Variants in CARF observed in about 807,000 individuals in gnomAD.
CARF encodes the protein calcium responsive transcription factor.
Under a neutral mutation model 82.0 loss-of-function variants are expected in CARF, and 57 were observed. The ratio of observed to expected loss-of-function variants is 0.70; its 90% confidence interval spans 0.56 to 0.87. The LOEUF (loss-of-function observed/expected upper bound fraction) is 0.87, where lower values mean the gene tolerates loss of function less well. CARF is among the 40% of genes least tolerant of loss of function. The pLI is 0.00. For missense variants in CARF, 771 were observed against 855.8 expected, an observed-to-expected ratio of 0.90 and a Z score of 1.24; for synonymous variants, 268 against 290.1, an observed-to-expected ratio of 0.92 and a Z score of 0.77.
At position 202,974,510 on chromosome 2, in the gene CARF, C is replaced by A; in HGVS notation, c.1494+14C>A. The A allele has an allele frequency of 6.3e-7, 1 of 1,579,340 alleles. No individual in the cohort carries two copies. Among genetic ancestry groups the A allele is most frequent in the Non-Finnish European group, 8.6e-7 (1 of 1,167,050 alleles). Reference sequence around the variant, plus strand: ...ATTCCAGCAACGGTATGATTACAACCATAATTCCTTATTACAGAGTCTTTC... The same window carrying A: ...ATTCCAGCAACGGTATGATTACAACAATAATTCCTTATTACAGAGTCTTTC... On this transcript the variant is annotated intron_variant, in intron 13 of 16. Coordinates refer to ENST00000438828, the MANE Select transcript of CARF (RefSeq NM_024744.17).
intron 14 of CARF, 108 bp from the exon 15 acceptor site, chr2:202,981,447 G>C: frequency 1.2e-6 from 1 of 844,434 alleles, no homozygotes; most frequent in Non-Finnish European, 1.8e-6. Context: ...GCAAAACTTT[G>C]AAAGTATTTC....
In CARF at chr2:202,967,071, A is replaced by T. The variant is rs1213264043; in HGVS notation, c.926A>T (p.Gln309Leu). Residue 309 changes from glutamine (Q) to leucine (L), a missense_variant, in exon 10 of 17, where the codon CAG (glutamine) becomes CTG (leucine). Transcript: ENST00000438828. ...AGTGAGCAGGAAAGCAGGTCTTGTC[A>T]GCTCTACAAAGCCACTTGTCCAGCT... ...KVSEQESRSC[Q>L]LYKATCPARI... 6.2e-7 allele frequency: 1 copy of T among 1,614,122 alleles called. No homozygotes were observed. The highest frequency in any genetic ancestry group is 2.2e-5 in the East Asian group (1 of 44,854).
At chr2:202,924,067 C>A (rs1331936412) in intron 2 of CARF, among the ~76,000 whole-genome samples, 2 of 152,194 alleles carry the variant, frequency 1.3e-5, no homozygotes, top group Non-Finnish European at 2.9e-5. Flanking sequence ...TGCTTACTTG[C>A]TAGCTATATA....
chr2:202,958,773 C>T (rs570074755), intron 8 of CARF, among the ~76,000 whole-genome samples: 56 of 152,014 alleles, frequency 3.7e-4, no homozygotes, highest in African/African-American at 1.3e-3. Context: ...GGCATGGTGG[C>T]GCATGCCTGT....
chr2:202,950,633 A>T (rs2058711848), intron 5 of CARF, among the ~76,000 whole-genome samples: 1 of 152,162 alleles, frequency 6.6e-6, no homozygotes, highest in Admixed American at 6.5e-5. Flanking sequence ...AGATTGCTTG[A>T]GTTTCAATTA....
chr2:202,956,278 CAG>C (rs1355080144), intron 8 of CARF, among the ~76,000 whole-genome samples: 1 of 151,956 alleles, frequency 6.6e-6, no homozygotes, highest in Non-Finnish European at 1.5e-5. Flanking sequence ...TTTATTGAGA[CAG>C]AGTCTCCCTC....
intron 3 of CARF, among the ~76,000 whole-genome samples, chr2:202,930,626 G>A (rs775053971): frequency 5.3e-5 from 8 of 152,064 alleles, no homozygotes; most frequent in East Asian, 1.9e-4. Context: ...GTTGTTTTCC[G>A]ACTTCATTGA....
intron 3 of CARF, among the ~76,000 whole-genome samples, chr2:202,939,519 A>G (rs1049120137): frequency 6.6e-6 from 1 of 152,080 alleles, no homozygotes; most frequent in Non-Finnish European, 1.5e-5. Flanking sequence ...TGAGACTTAT[A>G]TGCATACTAT....
In CARF at chr2:202,982,133, A is replaced by G; in HGVS notation, c.1751A>G (p.Asn584Ser). Residue 584 changes from asparagine to serine, a missense_variant, in exon 16 of 17, where the codon AAT becomes AGT. Transcript: ENST00000438828. The part of the protein sequence containing the change: ...PDESPAVVSV[N>S]NQPSSSPSGL... ...GAATCACCAGCTGTGGTATCAGTAAATAACCAGCCGTCCTCTAGTCCTTCA... is the reference window on the plus strand; with the variant it reads ...GAATCACCAGCTGTGGTATCAGTAAGTAACCAGCCGTCCTCTAGTCCTTCA... 6.2e-7 allele frequency: 1 copy of G among 1,614,192 alleles called. No individual in the cohort carries two copies. The highest frequency in any genetic ancestry group is 1.1e-5 in the South Asian group (1 of 91,086).
rs1426304178 is a variant in CARF, at chr2:202,983,507, T to A, written c.2061T>A (p.Ile687=). The change falls in exon 17 of 17, where the codon ATT becomes ATA. Residue 687 remains isoleucine (I), a splice_region_variant and synonymous_variant. Coordinates refer to ENST00000438828, the MANE Select transcript of CARF (RefSeq NM_024744.17). ...GGATTTTTCTGTTTGTTTTTAAAGT[T>A]GAAGAAAATCCAGAAAGTACCATTT... ...IQIIDNHSAL[I]EENPESTISV... The A allele has an allele frequency of 1.3e-6, 2 of 1,584,468 alleles. No individual in the cohort carries two copies. Among genetic ancestry groups the A allele is most frequent in the Admixed American group, 3.5e-5 (2 of 56,994 alleles).
intron 8 of CARF, among the ~76,000 whole-genome samples, chr2:202,959,961 C>T (rs1037089001): frequency 7.2e-5 from 11 of 151,880 alleles, no homozygotes; most frequent in East Asian, 3.9e-4. Context: ...ACAAAAAATA[C>T]GTAAAATATA....
intron 5 of CARF, among the ~76,000 whole-genome samples, chr2:202,949,519 A>ATTT (rs1280217912): frequency 8.8e-4 from 54 of 61,198 alleles, no homozygotes; most frequent in Non-Finnish European, 1.5e-3. Context: ...TTATTTATTT[A>ATTT]TTATTATTAT....
intron 16 of CARF, among the ~76,000 whole-genome samples, chr2:202,983,171 C>A (rs2060337320): frequency 6.6e-6 from 1 of 151,966 alleles, no homozygotes; most frequent in Non-Finnish European, 1.5e-5. Context: ...CTGCACCTGG[C>A]CAAAAGGAAG....
At chr2:202,969,028 G>C (rs759652377) in intron 10 of CARF, among the ~76,000 whole-genome samples, 1 of 152,144 alleles carries the variant, frequency 6.6e-6, no homozygotes. Flanking sequence ...GGTGGCTCAC[G>C]CCTATAATCC....
intron 1 of CARF, among the ~76,000 whole-genome samples, chr2:202,914,835 TA>T (rs1283267835): frequency 5.1e-5 from 7 of 137,388 alleles, no homozygotes; most frequent in African/African-American, 1.9e-4. Context: ...TTGTGCAGAG[TA>T]AAACATGGGT....
chr2:202,981,988 T>G (rs2060281519), intron 15 of CARF, 84 bp from the exon 16 acceptor site: 2 of 1,407,246 alleles, frequency 1.4e-6, no homozygotes, highest in Non-Finnish European at 1.9e-6. Context: ...TGTTCGGATT[T>G]TTTGTCAAAA....
rs1258675553 is a variant in CARF at position 202,932,979 on chromosome 2, C to CT, written c.-44+8565dup. On this transcript the variant is annotated intron_variant, in intron 3 of 16. Transcript: ENST00000438828. ...GCCCATGTGCTGCTTCAGCTTAAGCCTGGGGGGCATGACTGTTCTGGGAGG... is the reference window on the plus strand; with the variant it reads ...GCCCATGTGCTGCTTCAGCTTAAGCCTTGGGGGGCATGACTGTTCTGGGAGG... Among the ~76,000 whole-genome samples the CT allele has an allele frequency of 1.7e-4, 26 of 152,254 alleles. No homozygotes were observed. In the Middle Eastern group the frequency reaches 0.014, roughly 80 times the overall value.
At chr2:202,924,909 C>T (rs1016952877) in intron 3 of CARF, 7 of 249,300 alleles carry the variant, frequency 2.8e-5, no homozygotes, top group African/African-American at 9.1e-5. Flanking sequence ...CTGTATGCAC[C>T]CCGGAGAAAT....
At chr2:202,925,427 G>A (rs973544004) in intron 3 of CARF, 12 of 302,628 alleles carry the variant, frequency 4.0e-5, no homozygotes, top group South Asian at 1.1e-4. Context: ...GCCGAGGTCC[G>A]TGCCCAGTAT....
Sources: gnomAD v4.1 joint callset for allele counts (sites outside exome capture counted in the v4.1 genomes callset) on GRCh38, gnomAD v4.1.1 for gene constraint, MANE v1.5 for transcripts, NCBI Gene and HGNC (gene_info 2026-07-23, HGNC 2026-07-21) for gene names.